LRRC4C: variants seen among roughly 807,000 people sequenced by gnomAD.
LRRC4C encodes leucine-rich repeat-containing protein 4C.
A neutral mutation model predicts 33.6 loss-of-function variants in LRRC4C; 5 were observed. That is an observed-to-expected ratio of 0.15 (90% CI 0.08 to 0.31). LRRC4C has a LOEUF of 0.31. Among genes scored for constraint, LRRC4C ranks in the 10% least tolerant of loss-of-function variants. The pLI is 1.00. For missense variants in LRRC4C, 560 were observed against 796.7 expected (o/e 0.70, Z 3.58); for synonymous variants, 329 against 302.0 (o/e 1.09, Z -0.93).
At chr11:40,876,920 A>T (rs1230099776) in intron 2 of LRRC4C, among the ~76,000 whole-genome samples, 1 of 151,768 alleles carries the variant, frequency 6.6e-6, no homozygotes, top group African/African-American at 2.4e-5. Context: ...AAAAAAAAAA[A>T]AAAATCTTGA....
At chr11:40,294,963 G>A (rs1944436592) in intron 4 of LRRC4C, among the ~76,000 whole-genome samples, 1 of 152,194 alleles carries the variant, frequency 6.6e-6, no homozygotes, top group Admixed American at 6.5e-5. Context: ...AACTGTAAAG[G>A]CGAGATAGTA....
intron 4 of LRRC4C, among the ~76,000 whole-genome samples, chr11:40,309,826 C>T (rs1442188636): frequency 6.6e-6 from 1 of 152,246 alleles, no homozygotes; most frequent in Admixed American, 6.5e-5. Context: ...ATCTTAATGG[C>T]TGCTCAGGCC....
chr11:40,322,504 C>T (rs918282914), intron 3 of LRRC4C, among the ~76,000 whole-genome samples: 1 of 152,158 alleles, frequency 6.6e-6, no homozygotes, highest in African/African-American at 2.4e-5. Flanking sequence ...CCTCACCCTC[C>T]CAAACTGCAA....
intron 6 of LRRC4C, among the ~76,000 whole-genome samples, chr11:40,125,983 A>AT (rs574528909): frequency 1.8e-4 from 27 of 152,052 alleles, no homozygotes; most frequent in Middle Eastern, 3.4e-3. Context: ...AGGGAAAAGA[A>AT]TTTTTTTTGT....
chr11:40,659,909 T>C (rs1361523834), intron 2 of LRRC4C, among the ~76,000 whole-genome samples: 2 of 152,210 alleles, frequency 1.3e-5, no homozygotes, highest in African/African-American at 4.8e-5. Flanking sequence ...ATGTACCAAA[T>C]GGTGGGACTG....
chr11:41,006,360 G>C (rs957740520), intron 1 of LRRC4C, among the ~76,000 whole-genome samples: 1 of 152,152 alleles, frequency 6.6e-6, no homozygotes, highest in Non-Finnish European at 1.5e-5. Flanking sequence ...GGCTGTCAGA[G>C]TTGCAGAGTC....
At chr11:40,838,636 A>ATG (rs1454198761) in intron 2 of LRRC4C, among the ~76,000 whole-genome samples, 1 of 152,106 alleles carries the variant, frequency 6.6e-6, no homozygotes, top group East Asian at 1.9e-4. Flanking sequence ...TATTATATAT[A>ATG]TGAAGACATG....
At chr11:40,117,071 AT>A (rs1406420762) in intron 6 of LRRC4C, among the ~76,000 whole-genome samples, 4 of 152,210 alleles carry the variant, frequency 2.6e-5, no homozygotes, top group African/African-American at 7.2e-5. Context: ...AAGAAATATC[AT>A]CATAGAAGTG....
intron 1 of LRRC4C, among the ~76,000 whole-genome samples, chr11:41,019,949 T>C (rs758849496): frequency 1.8e-4 from 27 of 152,264 alleles, no homozygotes; most frequent in Non-Finnish European, 3.1e-4. Flanking sequence ...TGCAAAAACT[T>C]TCTCCCATTC....
At chr11:41,248,949 A>T (rs1366681335) in intron 1 of LRRC4C, among the ~76,000 whole-genome samples, 1 of 151,958 alleles carries the variant, frequency 6.6e-6, no homozygotes, top group Non-Finnish European at 1.5e-5. Context: ...CTATCAGTAA[A>T]TACTATTGGT....
intron 3 of LRRC4C, among the ~76,000 whole-genome samples, chr11:40,393,131 C>A (rs1949402358): frequency 6.6e-6 from 1 of 151,972 alleles, no homozygotes; most frequent in Non-Finnish European, 1.5e-5. Flanking sequence ...AACGTGTAAT[C>A]CAGTGTAAAG....
At chr11:41,103,668 A>C (rs1467562677) in intron 1 of LRRC4C, among the ~76,000 whole-genome samples, 1 of 151,942 alleles carries the variant, frequency 6.6e-6, no homozygotes, top group Non-Finnish European at 1.5e-5. Context: ...ACAGCAAAAA[A>C]TGCCAGCATA....
intron 1 of LRRC4C, among the ~76,000 whole-genome samples, chr11:41,446,855 G>A (rs1396870761): frequency 6.6e-6 from 1 of 152,108 alleles, no homozygotes; most frequent in Non-Finnish European, 1.5e-5. Flanking sequence ...GTGGTTCATT[G>A]TTGCTAGACC....
Position 40,192,319 on chromosome 11 carries a change from G to A in LRRC4C, c.-96+49200C>T, listed in dbSNP as rs143205862. Among the ~76,000 whole-genome samples the A allele has an allele frequency of 8.1e-4, 124 of 152,166 alleles. 2 individuals carry two copies. The East Asian group carries it at 0.019, about 24-fold the overall frequency. On this transcript the variant is annotated intron_variant, in intron 5 of 6. Coordinates refer to ENST00000528697, the MANE Select transcript of LRRC4C (RefSeq NM_001258419.2). ...ATAGTGGGTGCAGCCCACAGAGGGC[G>A]AGCAGAAGCAGGGTTGGGCATCGCC...
At chr11:40,258,968 G>A (rs1055721950) in intron 4 of LRRC4C, among the ~76,000 whole-genome samples, 4 of 152,176 alleles carry the variant, frequency 2.6e-5, no homozygotes, top group African/African-American at 9.7e-5. Context: ...TGGCATCAGA[G>A]GCTTATCATA....
chr11:40,436,707 G>C, intron 3 of LRRC4C, among the ~76,000 whole-genome samples: 1 of 152,174 alleles, frequency 6.6e-6, no homozygotes, highest in East Asian at 1.9e-4. Context: ...GCCAGAAGCG[G>C]CCCGAAACGT....
intron 5 of LRRC4C, among the ~76,000 whole-genome samples, chr11:40,196,887 T>G (rs1190577934): frequency 6.6e-6 from 1 of 152,202 alleles, no homozygotes; most frequent in African/African-American, 2.4e-5. Context: ...AGATCACTAG[T>G]GAAGGCAGTG....
intron 1 of LRRC4C, among the ~76,000 whole-genome samples, chr11:41,246,717 TTTG>T (rs1948466889): frequency 6.6e-6 from 1 of 152,178 alleles, no homozygotes; most frequent in African/African-American, 2.4e-5. Context: ...TGCTATTATT[TTTG>T]TTGTTCTTGT....
chr11:40,788,424 C>T (rs1950498749), intron 2 of LRRC4C, among the ~76,000 whole-genome samples: 1 of 152,104 alleles, frequency 6.6e-6, no homozygotes, highest in Non-Finnish European at 1.5e-5. Flanking sequence ...TGAAACCTCA[C>T]CCTTTGCTGT....
Sources: allele counts gnomAD v4.1 joint callset (sites outside exome capture counted in the v4.1 genomes callset), GRCh38; gene constraint gnomAD v4.1.1; transcripts MANE v1.5; gene names NCBI Gene and HGNC (gene_info 2026-07-23, HGNC 2026-07-21).